Variants in ARHGEF12 observed in about 807,000 individuals in gnomAD.
The protein encoded by ARHGEF12 is KMT2A/ARHGEF12 fusion protein.
In ARHGEF12, 66 loss-of-function variants were observed where a neutral mutation model predicts 211.2. That is an observed-to-expected ratio of 0.31 (90% confidence interval 0.26 to 0.38). The LOEUF is 0.38. ARHGEF12 is among the 10% of genes least tolerant of loss of function. ARHGEF12 has a pLI of 1.00. For missense variants in ARHGEF12, 1,429 were observed against 1,869.5 expected (o/e 0.76, Z 4.34); for synonymous variants, 592 against 638.4 (o/e 0.93, Z 1.09).
chr11:120,444,502 G>T (rs748420606), intron 15 of ARHGEF12, among the ~76,000 whole-genome samples: 1 of 152,070 alleles, frequency 6.6e-6, no homozygotes, highest in Non-Finnish European at 1.5e-5. Flanking sequence ...TTGAGCTACT[G>T]CCTGTCAAAG....
chr11:120,340,336 A>C (rs1450855104), intron 1 of ARHGEF12, among the ~76,000 whole-genome samples: 1 of 152,238 alleles, frequency 6.6e-6, no homozygotes, highest in Admixed American at 6.5e-5. Flanking sequence ...GGGACAGTAC[A>C]GGTAGGAAAG....
chr11:120,350,372 G>A (rs1223764944), intron 1 of ARHGEF12, among the ~76,000 whole-genome samples: 3 of 152,060 alleles, frequency 2.0e-5, no homozygotes, highest in African/African-American at 7.2e-5. Flanking sequence ...AAAATTAGCC[G>A]AGTATGGTGG....
chr11:120,460,630 A>C, intron 26 of ARHGEF12, 42 bp from the exon 27 acceptor site: 1 of 1,556,730 alleles, frequency 6.4e-7, no homozygotes, highest in Non-Finnish European at 8.8e-7. Context: ...TTCTGTCTAC[A>C]CTGAATGTGT....
rs997593508 is a variant in ARHGEF12, at chr11:120,485,530, A to G, written c.*453A>G. The stretch of plus-strand genomic sequence containing the variant: ...TTTGTCTTTAGTACACCCAAGGATC[A>G]ACTGCTCCTGAAGCAAAGAGGTCAG... On this transcript the variant is annotated 3_prime_UTR_variant, in exon 41 of 41. Coordinates refer to ENST00000397843, the MANE Select transcript of ARHGEF12 (RefSeq NM_015313.3). 7 of 239,294 alleles carry G rather than the reference A, an allele frequency of 2.9e-5. No homozygotes were observed. The highest frequency in any genetic ancestry group is 1.1e-4 in the Admixed American group (2 of 18,186). 14.8% of individuals were successfully genotyped at this position (239,294 alleles called of 1,614,324 possible).
Position 120,355,247 on chromosome 11 carries a change from G to A in ARHGEF12, c.32+17972G>A, listed in dbSNP as rs140719372. ...AAACGAGAAGGTTATTACACAAGCA[G>A]CATTTCAGTCTTGTCACACCCAATA... is the stretch of plus-strand genomic sequence containing the variant. On this transcript the variant is annotated intron_variant, in intron 1 of 40. Transcript: ENST00000397843. Among the ~76,000 whole-genome samples, 263 of 152,272 alleles carry A rather than the reference G, an allele frequency of 1.7e-3. 1 individual carries two copies. The highest frequency in any genetic ancestry group is 6.8e-3 in the Middle Eastern group (2 of 294).
chr11:120,398,932 T>C (rs1267003966), intron 1 of ARHGEF12, among the ~76,000 whole-genome samples: 1 of 152,034 alleles, frequency 6.6e-6, no homozygotes, highest in African/African-American at 2.4e-5. Flanking sequence ...AAATTCTGAG[T>C]ACAGAACAGG....
chr11:120,437,359 A>G lies in ARHGEF12; in HGVS notation c.976A>G (p.Lys326Glu), dbSNP rs958048387. ...AATTTATCTAGAGGAAAACCCAGAG[A>G]AAAGTGAAACAATTCAGGACACTGT... ...ERIYLEENPE[K>E]SETIQDTDTQ... is the part of the protein sequence containing the mutation. The change falls in exon 12 of 41, where the codon AAA (lysine) becomes GAA (glutamate). Residue 326 changes from lysine (K) to glutamate (E), a missense_variant. Coordinates refer to ENST00000397843, the MANE Select transcript of ARHGEF12 (RefSeq NM_015313.3). The G allele has an allele frequency of 6.2e-7, 1 of 1,613,180 alleles. No individual in the cohort carries two copies. The highest frequency in any genetic ancestry group is 8.5e-7 in the Non-Finnish European group (1 of 1,179,538).
At chr11:120,345,551 A>C (rs7952529) in intron 1 of ARHGEF12, among the ~76,000 whole-genome samples, 66,745 of 151,626 alleles carry the variant, frequency 0.44, 15,361 homozygotes, top group African/African-American at 0.57. Context: ...AAAATAGAAA[A>C]AATTAGCCGA....
chr11:120,341,003 A>G (rs999665110), intron 1 of ARHGEF12, among the ~76,000 whole-genome samples: 1 of 152,230 alleles, frequency 6.6e-6, no homozygotes, highest in African/African-American at 2.4e-5. Flanking sequence ...TTAACCTTGG[A>G]ATACCACTTA....
At chr11:120,383,107 C>T (rs1012968286) in intron 1 of ARHGEF12, among the ~76,000 whole-genome samples, 4 of 152,250 alleles carry the variant, frequency 2.6e-5, no homozygotes, top group Middle Eastern at 3.4e-3. Flanking sequence ...CCACTGCACT[C>T]CAGCCTGGGC....
intron 1 of ARHGEF12, among the ~76,000 whole-genome samples, chr11:120,373,609 T>G (rs181898703): frequency 1.3e-5 from 2 of 152,322 alleles, no homozygotes; most frequent in Non-Finnish European, 2.9e-5. Flanking sequence ...TATTCTATTA[T>G]ATAATTGTAT....
At chr11:120,374,455 G>T (rs1030794730) in intron 1 of ARHGEF12, among the ~76,000 whole-genome samples, 2 of 152,198 alleles carry the variant, frequency 1.3e-5, no homozygotes, top group African/African-American at 2.4e-5. Context: ...CTAAATATGT[G>T]TGTGAACATT....
At chr11:120,484,649 T>C in intron 40 of ARHGEF12, 142 bp downstream of exon 40, 2 of 770,184 alleles carry the variant, frequency 2.6e-6, no homozygotes, top group Non-Finnish European at 2.1e-6. Flanking sequence ...AAACATCAGA[T>C]ATCAAGCGGA....
At position 120,426,162 on chromosome 11, in the gene ARHGEF12, G is replaced by A. The variant is rs533953669; in HGVS notation, c.406+1747G>A. Among the ~76,000 whole-genome samples, 20 of 152,236 alleles carry A rather than the reference G, an allele frequency of 1.3e-4. No homozygotes were observed. In the South Asian group the frequency reaches 3.5e-3, roughly 27 times the overall value. ...ATAAACTTGACCACTTATTTAATGA[G>A]AATGTGATTTATAAATTGTTATGTG... On this transcript the variant is annotated intron_variant, in intron 7 of 40. Coordinates refer to ENST00000397843, the MANE Select transcript of ARHGEF12 (RefSeq NM_015313.3).
At chr11:120,406,597 T>TG (rs1180042179) in intron 2 of ARHGEF12, among the ~76,000 whole-genome samples, 2 of 152,194 alleles carry the variant, frequency 1.3e-5, no homozygotes, top group Admixed American at 1.3e-4. Flanking sequence ...CTCACTCTGT[T>TG]GCCCAGCCTG....
rs1003674394 is a variant in ARHGEF12 at position 120,488,637 on chromosome 11, A to C, written c.*3560A>C. The C allele has an allele frequency of 9.1e-6, 2 of 220,642 alleles. No homozygotes were observed. Among genetic ancestry groups the C allele is most frequent in the African/African-American group, 2.2e-5 (1 of 44,674 alleles). The allele number at this position is 220,642 out of a possible 1,614,324, so 13.7% of individuals were successfully genotyped here. On this transcript the variant is annotated 3_prime_UTR_variant, in exon 41 of 41. Coordinates refer to ENST00000397843, the MANE Select transcript of ARHGEF12 (RefSeq NM_015313.3). ...CCTTCCCCACCATTTCCAGGTGCCA[A>C]CTGCTAAGCAGATATATTCCAAAAA...
chr11:120,432,930 G>GT lies in ARHGEF12; in HGVS notation c.924+1025dup, dbSNP rs1020656207. Among the ~76,000 whole-genome samples, 5 of 152,170 alleles carry GT rather than the reference G, an allele frequency of 3.3e-5. No homozygotes were observed. In the East Asian group the frequency reaches 5.8e-4, roughly 18 times the overall value. On this transcript the variant is annotated intron_variant, in intron 11 of 40. Transcript: ENST00000397843. Reference sequence around the variant, plus strand: ...TGGGTTTTTTGTTTTGTTTTGTTTTGTTTTTTAAGGTAGTGATAGGAGTCT... The same window carrying GT: ...TGGGTTTTTTGTTTTGTTTTGTTTTGTTTTTTTAAGGTAGTGATAGGAGTCT...
intron 27 of ARHGEF12, 93 bp downstream of exon 27, chr11:120,460,850 C>T: frequency 9.2e-7 from 1 of 1,086,968 alleles, no homozygotes; most frequent in Middle Eastern, 2.1e-4. Context: ...TATGCAAACT[C>T]ATCCATGTTG....
chr11:120,422,622 C>T lies in ARHGEF12; in HGVS notation c.348+770C>T, dbSNP rs114111838. On this transcript the variant is annotated intron_variant, in intron 6 of 40. Transcript: ENST00000397843. ...ATTATGTATATACAAATATTCCAAA[C>T]TTCAAAAAAATCCAAAACACTTCTT... Among the ~76,000 whole-genome samples, 581 of 152,264 alleles carry T rather than the reference C, an allele frequency of 3.8e-3. 4 individuals carry two copies. The highest frequency in any genetic ancestry group is 0.013 in the African/African-American group (557 of 41,562).
Sources: allele counts gnomAD v4.1 joint callset (sites outside exome capture counted in the v4.1 genomes callset), GRCh38; gene constraint gnomAD v4.1.1; transcripts MANE v1.5; gene names NCBI Gene and HGNC (gene_info 2026-07-23, HGNC 2026-07-21).